Variants in EFCAB6 observed in about 807,000 individuals in gnomAD.
EFCAB6 encodes the protein EF-hand calcium-binding domain-containing protein 6.
EFCAB6 carries 156 observed loss-of-function variants against 169.8 expected under a neutral mutation model. That is an observed-to-expected ratio of 0.92 (90% confidence interval 0.81 to 1.05). The LOEUF (loss-of-function observed/expected upper bound fraction) is 1.05. EFCAB6 is among the 50% of genes least tolerant of loss of function. The pLI, the probability that EFCAB6 is intolerant of heterozygous loss-of-function variation, is 0.00. For synonymous variants in EFCAB6, 698 were observed against 676.4 expected (o/e 1.03, Z -0.50); for missense variants, 1,800 against 1,829.1 (o/e 0.98, Z 0.29).
Position 43,668,878 on chromosome 22 carries a change from G to C in EFCAB6, c.1808C>G (p.Ser603Cys). Residue 603 changes from serine to cysteine, a missense_variant, in exon 16 of 32, where the codon TCT becomes TGT. Ser to Cys is a moderately radical substitution (Grantham distance 112, BLOSUM62 -1). Coordinates refer to ENST00000262726, the MANE Select transcript of EFCAB6 (RefSeq NM_022785.4). Reference protein sequence around the residue: ...QKDEQQQPDLSERTKLTEDKT... With the variant: ...QKDEQQQPDLCERTKLTEDKT... ...TCATTTTGCTTAATTTTACCTCTCA[G>C]AAAGATCTGGCTGCTGCTGTTCATC... 1 of 1,592,578 alleles carries C rather than the reference G, an allele frequency of 6.3e-7. No individual in the cohort carries two copies. The highest frequency in any genetic ancestry group is 8.6e-7 in the Non-Finnish European group (1 of 1,169,328).
At position 43,600,186 on chromosome 22, in the gene EFCAB6, A is replaced by G. The variant is rs1288000536; in HGVS notation, c.2759T>C (p.Val920Ala). 1.2e-6 allele frequency: 2 copies of G among 1,614,208 alleles called. No homozygotes were observed. The highest frequency in any genetic ancestry group is 4.5e-5 in the East Asian group (2 of 44,884). The change falls in exon 23 of 32, where the codon GTC becomes GCC. Residue 920 changes from valine to alanine, a missense_variant. Coordinates refer to ENST00000262726, the MANE Select transcript of EFCAB6 (RefSeq NM_022785.4). Reference protein sequence around the residue: ...QKLGINYSPAVHRPCAEDYFN... With the variant: ...QKLGINYSPAAHRPCAEDYFN... ...ATAATCCTCTGCACAGGGCCGATGG[A>G]CAGCAGGCGAATAGTTAATACCCAA...
At chr22:43,735,714 G>T in intron 7 of EFCAB6, 143 bp downstream of exon 7, 1 of 989,518 alleles carries the variant, frequency 1.0e-6, no homozygotes, top group Non-Finnish European at 1.5e-6. Flanking sequence ...AATGTCCAGT[G>T]AGTGCCTCTT....
intron 8 of EFCAB6, among the ~76,000 whole-genome samples, chr22:43,729,415 A>T (rs1016472213): frequency 6.6e-6 from 1 of 152,210 alleles, no homozygotes; most frequent in African/African-American, 2.4e-5. Flanking sequence ...ACATTTCAAC[A>T]TGAGATTTGG....
rs553207221 is a variant in EFCAB6 at position 43,761,049 on chromosome 22, C to T, written c.440+4256G>A. Among the ~76,000 whole-genome samples the T allele has an allele frequency of 5.3e-4, 81 of 152,314 alleles. 1 individual carries two copies. The highest frequency in any genetic ancestry group is 1.4e-3 in the African/African-American group (57 of 41,564). ...TTGATTGACACACAGGTCACAGGAG[C>T]CTGGGATTACAGGCGTAAGCCACTG... On this transcript the variant is annotated intron_variant, in intron 5 of 31. Transcript: ENST00000262726.
chr22:43,652,300 C>T (rs961388695), intron 17 of EFCAB6, among the ~76,000 whole-genome samples: 3 of 152,112 alleles, frequency 2.0e-5, no homozygotes, highest in African/African-American at 7.2e-5. Context: ...CCTGCACAAG[C>T]TCTCTCATTT....
At chr22:43,750,409 C>T (rs999967853) in intron 6 of EFCAB6, among the ~76,000 whole-genome samples, 1 of 152,178 alleles carries the variant, frequency 6.6e-6, no homozygotes, top group African/African-American at 2.4e-5. Context: ...GATTGATAGG[C>T]TTTTCTGCGG....
chr22:43,563,394 C>T (rs751412557), intron 26 of EFCAB6, among the ~76,000 whole-genome samples: 1 of 152,132 alleles, frequency 6.6e-6, no homozygotes, highest in South Asian at 2.1e-4. Flanking sequence ...ATGACAAAAC[C>T]CCATCTCTAC....
At chr22:43,655,416 TCA>T (rs145803409) in intron 17 of EFCAB6, among the ~76,000 whole-genome samples, 5,216 of 151,880 alleles carry the variant, frequency 0.034, 336 homozygotes, top group African/African-American at 0.12. Flanking sequence ...AGGCTGCGTG[TCA>T]CAGTCTCTCA....
chr22:43,725,707 G>A (rs112434844), intron 8 of EFCAB6, among the ~76,000 whole-genome samples: 2 of 152,180 alleles, frequency 1.3e-5, no homozygotes, highest in African/African-American at 2.4e-5. Context: ...TGATGGGCTG[G>A]TGTCAGCAAT....
intron 5 of EFCAB6, among the ~76,000 whole-genome samples, chr22:43,764,709 T>C (rs1181214755): frequency 6.6e-6 from 1 of 152,190 alleles, no homozygotes; most frequent in African/African-American, 2.4e-5. Context: ...GAGTCAGATA[T>C]AAGTAAATAT....
chr22:43,586,710 A>G (rs773480752), intron 24 of EFCAB6, among the ~76,000 whole-genome samples: 11 of 152,150 alleles, frequency 7.2e-5, no homozygotes, highest in Non-Finnish European at 1.0e-4. Flanking sequence ...GGGAGTTTTA[A>G]AAAGGTTTAA....
At position 43,683,783 on chromosome 22, in the gene EFCAB6, A is replaced by G. The variant is rs1474864208; in HGVS notation, c.1215T>C (p.Ser405=). The G allele has an allele frequency of 6.2e-7, 1 of 1,613,614 alleles. No individual in the cohort carries two copies. Among genetic ancestry groups the G allele is most frequent in the South Asian group, 1.1e-5 (1 of 91,066 alleles). ...TKLFRHTEDH[S]ASLKKALLII... is the part of the protein sequence containing the mutation. ...TCAGTAATGCTTTCTTCAGTGACGC[A>G]GAGTGATCTTCAGTGTGTCTAAATA... The change falls in exon 12 of 32, where the codon TCT becomes TCC. Residue 405 remains serine, a synonymous_variant. Transcript: ENST00000262726.
chr22:43,789,622 G>A (rs2062203098), intron 2 of EFCAB6, among the ~76,000 whole-genome samples: 1 of 152,296 alleles, frequency 6.6e-6, no homozygotes, highest in East Asian at 1.9e-4. Flanking sequence ...ATGCTCAGCG[G>A]TCACGACACT....
intron 20 of EFCAB6, among the ~76,000 whole-genome samples, chr22:43,624,822 G>T (rs949236025): frequency 6.6e-6 from 1 of 152,228 alleles, no homozygotes. Context: ...TTTGATGAAT[G>T]AGTGTATACA....
intron 13 of EFCAB6, among the ~76,000 whole-genome samples, chr22:43,676,588 T>C (rs549315442): frequency 1.3e-5 from 2 of 152,258 alleles, no homozygotes; most frequent in Non-Finnish European, 2.9e-5. Flanking sequence ...TTGGCATATT[T>C]TCTAATCTAC....
chr22:43,712,866 T>C (rs1405570269), intron 9 of EFCAB6, among the ~76,000 whole-genome samples: 2 of 152,180 alleles, frequency 1.3e-5, no homozygotes, highest in Non-Finnish European at 2.9e-5. Context: ...ACCGAAATAG[T>C]GTCCTTGTGA....
chr22:43,589,479 A>C (rs1272932094), intron 24 of EFCAB6, among the ~76,000 whole-genome samples: 2 of 151,960 alleles, frequency 1.3e-5, no homozygotes, highest in East Asian at 3.9e-4. Context: ...GTGCTGGAAT[A>C]ACTTGGATAA....
In EFCAB6 at chr22:43,600,132, G is replaced by T; in HGVS notation, c.2813C>A (p.Pro938Gln). The change falls in exon 23 of 32, where the codon CCA (proline) becomes CAA (glutamine). Residue 938 changes from proline (P) to glutamine (Q), a missense_variant. Physicochemically the swap from Pro to Gln is moderately conservative, Grantham distance 76. Transcript: ENST00000262726. ...CTTCATCTCTTCCTGTAGCTGCTGT[G>T]GCTTTGTAAAATGACCCATGAAGTT... Reference protein sequence around the residue: ...YFNFMGHFTKPQQLQEEMKEL... With the variant: ...YFNFMGHFTKQQQLQEEMKEL... The T allele has an allele frequency of 6.2e-7, 1 of 1,614,098 alleles. No individual in the cohort carries two copies. The highest frequency in any genetic ancestry group is 8.5e-7 in the Non-Finnish European group (1 of 1,180,010).
chr22:43,706,116 C>G (rs2058947724), intron 10 of EFCAB6, among the ~76,000 whole-genome samples: 1 of 152,172 alleles, frequency 6.6e-6, no homozygotes, highest in South Asian at 2.1e-4. Flanking sequence ...TGAATATAAT[C>G]TAGACATATA....
Sources: gnomAD v4.1 joint callset for allele counts (sites outside exome capture counted in the v4.1 genomes callset) on GRCh38, gnomAD v4.1.1 for gene constraint, MANE v1.5 for transcripts, NCBI Gene and HGNC (gene_info 2026-07-23, HGNC 2026-07-21) for gene names.